DCDC1: variants seen among roughly 807,000 people sequenced by gnomAD.
DCDC1 encodes the protein doublecortin domain containing 1.
DCDC1 carries 200 observed loss-of-function variants against 178.3 expected under a neutral mutation model. That is an observed-to-expected ratio of 1.12 (90% CI 1.00 to 1.26). The LOEUF (loss-of-function observed/expected upper bound fraction) is 1.26. Ranked by LOEUF, DCDC1 falls within the 50% of genes most tolerant of loss-of-function variation. DCDC1 has a pLI of 0.00. For synonymous variants in DCDC1, 690 were observed against 604.8 expected (o/e 1.14, Z -2.07); for missense variants, 1,983 against 1,749.2 (o/e 1.13, Z -2.38).
intron 9 of DCDC1, among the ~76,000 whole-genome samples, chr11:31,217,354 T>TA (rs1973719500): frequency 2.0e-5 from 3 of 152,334 alleles, no homozygotes; most frequent in African/African-American, 7.2e-5. Flanking sequence ...GTCAATTTTT[T>TA]AAAAAACTAA....
chr11:31,106,777 A>T lies in DCDC1; in HGVS notation c.1751+20T>A. The T allele has an allele frequency of 1.3e-6, 1 of 764,450 alleles. No individual in the cohort carries two copies. Among genetic ancestry groups the T allele is most frequent in the Non-Finnish European group, 2.4e-6 (1 of 417,392 alleles). 47.4% of individuals were successfully genotyped at this position (764,450 alleles called of 1,614,324 possible). On this transcript the variant is annotated intron_variant, in intron 13 of 38. Coordinates refer to ENST00000684477, the MANE Select transcript of DCDC1 (RefSeq NM_001387274.1). ...TCCCCTGGAAAGATTGAGGACAGAA[A>T]ACAAACCCCTTGCTCCTACCTGTAT...
Position 30,952,549 on chromosome 11 carries a change from C to G in DCDC1, c.2611G>C (p.Gly871Arg), listed in dbSNP as rs777691281. 1 of 1,507,422 alleles carries G rather than the reference C, an allele frequency of 6.6e-7. No individual in the cohort carries two copies. The highest frequency in any genetic ancestry group is 2.3e-5 in the East Asian group (1 of 44,150). 93.4% of individuals were successfully genotyped at this position (1,507,422 alleles called of 1,614,324 possible). Residue 871 changes from glycine to arginine, a missense_variant, in exon 21 of 39, where the codon GGA becomes CGA. By Grantham distance (125) the Gly-to-Arg change is moderately radical. Coordinates refer to ENST00000684477, the MANE Select transcript of DCDC1 (RefSeq NM_001387274.1). The part of the protein sequence containing the change: ...SAQRWAIKHE[G>R]TSKPGQWKHS... Reference sequence around the variant, plus strand: ...TTCCACTGGCCTGGCTTACTGGTTCCTTCATGTTTTATGGCCCACCTAAAA... The same window carrying G: ...TTCCACTGGCCTGGCTTACTGGTTCGTTCATGTTTTATGGCCCACCTAAAA...
intron 9 of DCDC1, among the ~76,000 whole-genome samples, chr11:31,204,560 T>TGA (rs1971663232): frequency 6.6e-6 from 1 of 152,066 alleles, no homozygotes; most frequent in Non-Finnish European, 1.5e-5. Flanking sequence ...CGGGGGCTCA[T>TGA]GCCTGTAATC....
At position 31,242,978 on chromosome 11, in the gene DCDC1, A is replaced by T. The variant is rs1351533751; in HGVS notation, c.1055-1362T>A. ...AAGAGGAAATTATGAGCCAATGACTATTGAAACATCTTCTTAGATGTGTGC... is the reference window on the plus strand; with the variant it reads ...AAGAGGAAATTATGAGCCAATGACTTTTGAAACATCTTCTTAGATGTGTGC... On this transcript the variant is annotated intron_variant, in intron 8 of 38. Coordinates refer to ENST00000684477, the MANE Select transcript of DCDC1 (RefSeq NM_001387274.1). 2.0e-5 allele frequency among the ~76,000 whole-genome samples: 3 copies of T among 151,918 alleles called. No individual in the cohort carries two copies. The East Asian group carries it at 5.8e-4, about 29-fold the overall frequency.
chr11:31,332,050 T>G (rs1362151727), intron 2 of DCDC1, among the ~76,000 whole-genome samples: 2 of 152,188 alleles, frequency 1.3e-5, no homozygotes, highest in African/African-American at 4.8e-5. Flanking sequence ...ATTGCCTCAA[T>G]TTGAGAGCCT....
chr11:31,080,271 T>C (rs1957095838), intron 17 of DCDC1, among the ~76,000 whole-genome samples: 1 of 152,292 alleles, frequency 6.6e-6, no homozygotes, highest in Non-Finnish European at 1.5e-5. Flanking sequence ...TCTCATTTTA[T>C]AGATGAATAA....
intron 20 of DCDC1, among the ~76,000 whole-genome samples, chr11:30,993,059 G>A (rs1393872592): frequency 6.6e-6 from 1 of 151,370 alleles, no homozygotes; most frequent in Non-Finnish European, 1.5e-5. Context: ...ATTTAAAAAA[G>A]TAAAATGGCA....
intron 7 of DCDC1, among the ~76,000 whole-genome samples, chr11:31,272,612 G>T (rs946626179): frequency 4.6e-5 from 7 of 152,208 alleles, no homozygotes; most frequent in African/African-American, 1.4e-4. Flanking sequence ...ATGGGCTACA[G>T]GCCCCATGCA....
intron 38 of DCDC1, among the ~76,000 whole-genome samples, chr11:30,876,487 G>GT (rs1942131962): frequency 6.6e-6 from 1 of 152,190 alleles, no homozygotes; most frequent in African/African-American, 2.4e-5. Context: ...TACAAAGTAA[G>GT]TGTCGCTGCC....
intron 36 of DCDC1, chr11:30,882,106 A>G (rs1206052480): frequency 2.6e-5 from 4 of 153,146 alleles, no homozygotes; most frequent in Non-Finnish European, 4.4e-5. Context: ...GCAGGTGCCA[A>G]GTCCACATCA....
intron 18 of DCDC1, among the ~76,000 whole-genome samples, chr11:31,073,650 A>G (rs998191000): frequency 3.3e-5 from 5 of 152,332 alleles, no homozygotes; most frequent in African/African-American, 1.2e-4. Context: ...TGGCTCAGGA[A>G]TATGGTAAAG....
chr11:31,189,376 T>C (rs1349793564), intron 9 of DCDC1, among the ~76,000 whole-genome samples: 2 of 151,928 alleles, frequency 1.3e-5, no homozygotes, highest in Non-Finnish European at 2.9e-5. Context: ...AACTAAACAC[T>C]CCAATGTAAA....
intron 9 of DCDC1, among the ~76,000 whole-genome samples, chr11:31,228,703 G>A (rs1481060039): frequency 6.6e-6 from 1 of 151,756 alleles, no homozygotes; most frequent in Non-Finnish European, 1.5e-5. Flanking sequence ...GCCAATATAA[G>A]GAATTAAAAA....
chr11:31,349,788 C>T (rs1781360486), intron 1 of DCDC1, among the ~76,000 whole-genome samples: 1 of 151,934 alleles, frequency 6.6e-6, no homozygotes, highest in African/African-American at 2.4e-5. Context: ...ATTGCTGGAG[C>T]CCAGGAGTTC....
In DCDC1 at chr11:31,010,353, T is replaced by C. The variant is rs563906453; in HGVS notation, c.2591+54116A>G. On this transcript the variant is annotated intron_variant, in intron 20 of 38. Coordinates refer to ENST00000684477, the MANE Select transcript of DCDC1 (RefSeq NM_001387274.1). ...CCTCAGGTTGTTAGGAGAACTCACTTCCCTGCAGCTGCATGACTGAGGACT... is the reference window on the plus strand; with the variant it reads ...CCTCAGGTTGTTAGGAGAACTCACTCCCCTGCAGCTGCATGACTGAGGACT... 2.0e-5 allele frequency among the ~76,000 whole-genome samples: 3 copies of C among 152,290 alleles called. No individual in the cohort carries two copies. In the South Asian group the frequency reaches 6.2e-4, roughly 32 times the overall value.
intron 28 of DCDC1, among the ~76,000 whole-genome samples, chr11:30,909,557 T>G (rs1945303446): frequency 6.6e-6 from 1 of 152,148 alleles, no homozygotes; most frequent in South Asian, 2.1e-4. Context: ...AGAAGTAGAG[T>G]TGCCAATAAA....
intron 20 of DCDC1, among the ~76,000 whole-genome samples, chr11:30,962,906 A>C (rs2134594317): frequency 6.6e-6 from 1 of 152,194 alleles, no homozygotes; most frequent in African/African-American, 2.4e-5. Context: ...GCAACTCAGT[A>C]GTCTCTACAA....
In DCDC1 at chr11:30,917,046, C is replaced by T. The variant is rs1945893165; in HGVS notation, c.3294-18G>A. ...GTGAATCTCTATCAAGGTTCAGAAG[C>T]AAACATAAGTCTAAGAAATCTCATT... On this transcript the variant is annotated intron_variant, in intron 25 of 38. Coordinates refer to ENST00000684477, the MANE Select transcript of DCDC1 (RefSeq NM_001387274.1). The T allele has an allele frequency of 6.3e-7, 1 of 1,575,872 alleles. No homozygotes were observed. The highest frequency in any genetic ancestry group is 1.9e-5 in the Admixed American group (1 of 52,960).
intron 9 of DCDC1, among the ~76,000 whole-genome samples, chr11:31,224,073 G>A (rs1278258051): frequency 2.0e-5 from 3 of 151,934 alleles, no homozygotes; most frequent in Non-Finnish European, 4.4e-5. Context: ...CTTCCTCATT[G>A]TCTCTTGCTG....
Sources: gnomAD v4.1 joint callset for allele counts (sites outside exome capture counted in the v4.1 genomes callset) on GRCh38, gnomAD v4.1.1 for gene constraint, MANE v1.5 for transcripts, NCBI Gene and HGNC (gene_info 2026-07-23, HGNC 2026-07-21) for gene names.